Variants in MTMR1 observed in about 807,000 individuals in gnomAD.
The protein encoded by MTMR1 is myotubularin related protein 1.
Under a neutral mutation model 51.6 loss-of-function variants are expected in MTMR1, and 17 were observed. The ratio of observed to expected loss-of-function variants is 0.33; its 90% confidence interval spans 0.23 to 0.49. The LOEUF is 0.49. Ranked by LOEUF, MTMR1 falls within the 20% of genes least tolerant of loss-of-function variation. MTMR1 has a pLI of 0.99. For synonymous variants in MTMR1, 201 were observed against 205.6 expected (o/e 0.98, Z 0.19); for missense variants, 386 against 526.9 (o/e 0.73, Z 2.62).
intron 1 of MTMR1, among the ~76,000 whole-genome samples, chrX:150,698,680 G>GCACA (rs1214335904): frequency 0.058 from 3,621 of 62,853 alleles, 90 homozygotes; most frequent in East Asian, 0.11. Context: ...ACACGCGCGC[G>GCACA]CACACACACA....
intron 13 of MTMR1, among the ~76,000 whole-genome samples, chrX:150,749,256 C>T (rs1351374764): frequency 8.9e-6 from 1 of 112,339 alleles, no homozygotes; most frequent in Middle Eastern, 4.6e-3. Context: ...AATTGAAAAG[C>T]CTGGTGCTAG....
chrX:150,697,734 A>G (rs1245625518), intron 1 of MTMR1, among the ~76,000 whole-genome samples: 2 of 111,838 alleles, frequency 1.8e-5, no homozygotes, highest in Non-Finnish European at 3.8e-5. Flanking sequence ...GGGCAAGGCT[A>G]CGTGTGTGAA....
intron 12 of MTMR1, among the ~76,000 whole-genome samples, chrX:150,741,828 C>A (rs189939284): frequency 8.6e-4 from 97 of 112,518 alleles, no homozygotes; most frequent in Non-Finnish European, 1.4e-3. Flanking sequence ...AAATACTGAA[C>A]AGCAGGTCCT....
At position 150,714,423 on chromosome X, in the gene MTMR1, C is replaced by T. The variant is rs2041423441; in HGVS notation, c.276+2058C>T. Reference sequence around the variant, plus strand: ...CTGTCCTTTCACCTGTCTGTTTGCACGTGTTTCTCTTTCTCCTCTTTGCCT... The same window carrying T: ...CTGTCCTTTCACCTGTCTGTTTGCATGTGTTTCTCTTTCTCCTCTTTGCCT... On this transcript the variant is annotated intron_variant, in intron 3 of 15. Transcript: ENST00000445323. 1.1e-5 allele frequency: 9 copies of T among 813,674 alleles called. No homozygotes were observed. In the South Asian group the frequency reaches 1.8e-4, roughly 16 times the overall value. The allele number at this position is 813,674 out of a possible 1,213,427, so 67.1% of individuals were successfully genotyped here. A position where few individuals can be genotyped will look rare whatever the true frequency, so the allele number is the denominator to read the frequency against.
At chrX:150,693,783 C>A in intron 1 of MTMR1, 107 bp downstream of exon 1, 1 of 533,262 alleles carries the variant, frequency 1.9e-6, no homozygotes, top group Non-Finnish European at 2.3e-6. Context: ...CTGGCGGTGG[C>A]GGGGTGGGCG....
intron 13 of MTMR1, among the ~76,000 whole-genome samples, chrX:150,746,975 A>C (rs891340728): frequency 4.5e-5 from 5 of 112,295 alleles, no homozygotes; most frequent in Non-Finnish European, 7.5e-5. Context: ...TATGCAGTGT[A>C]AAATTGTCAG....
chrX:150,756,655 A>C (rs1289863262), intron 15 of MTMR1, among the ~76,000 whole-genome samples: 5 of 110,941 alleles, frequency 4.5e-5, no homozygotes, highest in African/African-American at 9.9e-5. Flanking sequence ...TTTCTTTTTT[A>C]TTTATTTATT....
intron 14 of MTMR1, among the ~76,000 whole-genome samples, chrX:150,751,861 C>A (rs1477871234): frequency 9.2e-6 from 1 of 109,092 alleles, no homozygotes; most frequent in Non-Finnish European, 1.9e-5. Context: ...CACATCCAGT[C>A]CCCTGGTGAA....
rs148514015 is a variant in MTMR1, at chrX:150,737,365, T to C, written c.1390T>C (p.Leu464=). 4.2e-5 allele frequency: 51 copies of C among 1,209,820 alleles called. No homozygotes were observed. In the African/African-American group the frequency reaches 8.6e-4, roughly 20 times the overall value. The change falls in exon 12 of 16, where the codon TTG becomes CTG. Residue 464 remains leucine (L), a synonymous_variant. Transcript: ENST00000445323. ...GCTCACATCTCTGGCTATGCTAATG[T>C]TGGACAGTTACTACAGGACCATTAA... ...AQLTSLAMLM[L]DSYYRTIKGF...
At chrX:150,726,992 T>TAA in intron 4 of MTMR1, 1 of 266,957 alleles carries the variant, frequency 3.7e-6, no homozygotes. Context: ...GCCCTTTACT[T>TAA]AAAACCTCAT....
At chrX:150,713,071 T>C (rs1489340570) in intron 3 of MTMR1, 15 of 518,322 alleles carry the variant, frequency 2.9e-5, no homozygotes, top group Non-Finnish European at 3.8e-5. Flanking sequence ...TTAAAAGTTT[T>C]AATCTTATTG....
chrX:150,699,280 A>G lies in MTMR1; in HGVS notation c.232A>G (p.Asn78Asp). ...GATTTCAGGTTCAGTGACATCAGAA[A>G]ATGTGTCCAGAGATTACAAGGTAAG... ...SQISGSVTSE[N>D]VSRDYKVFRR... Residue 78 changes from asparagine to aspartate, a missense_variant, in exon 2 of 16, where the codon AAT (asparagine) becomes GAT (aspartate). Physicochemically the swap from Asn to Asp is conservative, Grantham distance 23. Transcript: ENST00000445323. 1 of 1,194,345 alleles carries G rather than the reference A, an allele frequency of 8.4e-7. No individual in the cohort carries two copies. The highest frequency in any genetic ancestry group is 1.1e-6 in the Non-Finnish European group (1 of 882,043).
intron 15 of MTMR1, among the ~76,000 whole-genome samples, chrX:150,760,881 C>T (rs919128109): frequency 1.9e-5 from 2 of 105,190 alleles, no homozygotes; most frequent in African/African-American, 3.5e-5. Context: ...GAGCTGAGAT[C>T]GTGCCGCTGC....
chrX:150,729,845 C>T (rs1182791274), intron 6 of MTMR1, among the ~76,000 whole-genome samples: 2 of 111,169 alleles, frequency 1.8e-5, no homozygotes. Context: ...ATAGTGAAAC[C>T]TTGTCTCTAC....
At chrX:150,710,781 A>G (rs1478027476) in intron 2 of MTMR1, among the ~76,000 whole-genome samples, 4 of 112,769 alleles carry the variant, frequency 3.5e-5, no homozygotes, top group Non-Finnish European at 7.5e-5. Context: ...TGCTGAAGGA[A>G]AACAAAAGAA....
At chrX:150,743,061 CATA>C (rs1184162048) in intron 12 of MTMR1, among the ~76,000 whole-genome samples, 9 of 110,767 alleles carry the variant, frequency 8.1e-5, no homozygotes, top group African/African-American at 2.6e-4. Context: ...GTGATGGTTG[CATA>C]ATAACATGAG....
At chrX:150,719,868 G>C (rs2041688030) in intron 4 of MTMR1, among the ~76,000 whole-genome samples, 1 of 111,523 alleles carries the variant, frequency 9.0e-6, no homozygotes, top group Non-Finnish European at 1.9e-5. Context: ...AGAAGAGAAG[G>C]CTTCAGTGGA....
intron 4 of MTMR1, among the ~76,000 whole-genome samples, chrX:150,723,635 T>A (rs782565555): frequency 1.8e-5 from 2 of 112,028 alleles, no homozygotes; most frequent in Non-Finnish European, 3.8e-5. Context: ...ATAGGTAAAC[T>A]TGTGTCATGG....
chrX:150,737,131 C>T, intron 11 of MTMR1, 111 bp from the exon 12 acceptor site: 1 of 665,620 alleles, frequency 1.5e-6, no homozygotes, highest in East Asian at 3.4e-5. Context: ...GCCATTCTTG[C>T]TTGGTTTATT....
Sources: allele counts gnomAD v4.1 joint callset (sites outside exome capture counted in the v4.1 genomes callset), GRCh38; gene constraint gnomAD v4.1.1; transcripts MANE v1.5; gene names NCBI Gene and HGNC (gene_info 2026-07-23, HGNC 2026-07-21).